Variants in CCDC187 observed in about 807,000 individuals in gnomAD.
CCDC187 encodes coiled-coil domain-containing protein 187.
Under a neutral mutation model 38.0 loss-of-function variants are expected in CCDC187, and 32 were observed. That is an observed-to-expected ratio of 0.84 (90% CI 0.64 to 1.13). The LOEUF is 1.13. Ranked by LOEUF, CCDC187 falls within the 50% of genes most tolerant of loss-of-function variation. The pLI is 0.00. For missense variants in CCDC187, 707 were observed against 786.8 expected, an observed-to-expected ratio of 0.90 and a Z score of 1.21; for synonymous variants, 333 against 347.9, an observed-to-expected ratio of 0.96 and a Z score of 0.48.
chr9:136,267,431 G>T lies in CCDC187; in HGVS notation c.3600C>A (p.Leu1200=), dbSNP rs544839740. 11 of 985,524 alleles carry T rather than the reference G, an allele frequency of 1.1e-5. No individual in the cohort carries two copies. In the East Asian group the frequency reaches 4.5e-4, roughly 41 times the overall value. 61.0% of individuals were successfully genotyped at this position (985,524 alleles called of 1,614,324 possible). A position where few individuals can be genotyped will look rare whatever the true frequency, so the allele number is the denominator to read the frequency against. The change falls in exon 16 of 26, where the codon CTC becomes CTA. Residue 1200 remains leucine, a synonymous_variant. Transcript: ENST00000638797. ...CCAGCTCCGCGAGCGTTTTCTCCTGGAGCGCCATCTCTCGCAGGCGCAGCA... is the reference window on the plus strand; with the variant it reads ...CCAGCTCCGCGAGCGTTTTCTCCTGTAGCGCCATCTCTCGCAGGCGCAGCA... ...AALLRLREMA[L]QEKTLAELAW... is the part of the protein sequence containing the mutation.
chr9:136,258,950 C>T lies in CCDC187; in HGVS notation c.4348G>A (p.Val1450Met). ...LPTAQCRSRE[V>M]KEPPPGDPQT... ...TGCTTACCTGGGGGTGGCTCCTTCA[C>T]CTCCCGAGACCTGCACTGAGCTGTG... The change falls in exon 22 of 26, where the codon GTG becomes ATG. Residue 1450 changes from valine to methionine, a missense_variant. Physicochemically the swap from Val to Met is conservative, Grantham distance 21. Coordinates refer to ENST00000638797, the MANE Select transcript of CCDC187 (RefSeq NM_001378188.1). This position sits in a 1 kb window ranked among gnomAD's most constrained non-coding sequence, Gnocchi z 4.3. 5 of 985,384 alleles carry T rather than the reference C, an allele frequency of 5.1e-6. No homozygotes were observed. Among genetic ancestry groups the T allele is most frequent in the Non-Finnish European group, 4.8e-6 (4 of 830,034 alleles). 61.0% of individuals were successfully genotyped at this position (985,384 alleles called of 1,614,324 possible).
At chr9:136,293,559 A>G (rs1831436259) in intron 4 of CCDC187, among the ~76,000 whole-genome samples, 1 of 151,566 alleles carries the variant, frequency 6.6e-6, no homozygotes, top group South Asian at 2.1e-4. Flanking sequence ...ATGCTCACAC[A>G]CTGTCACACA....
chr9:136,268,307 G>T (rs1229331035), intron 14 of CCDC187, among the ~76,000 whole-genome samples, 182 bp from the exon 15 acceptor site: 2 of 152,224 alleles, frequency 1.3e-5, no homozygotes, highest in African/African-American at 4.8e-5. Context: ...GGGACAGGCA[G>T]TCTCTTGATG....
chr9:136,271,377 C>T lies in CCDC187; in HGVS notation c.3443-3252G>A, dbSNP rs561133100. Reference sequence around the variant, plus strand: ...TCTCTACAAAAATACAAAAATTAGCCGGGTGTGGTGGTGGGTGCCTGTAAT... The same window carrying T: ...TCTCTACAAAAATACAAAAATTAGCTGGGTGTGGTGGTGGGTGCCTGTAAT... On this transcript the variant is annotated intron_variant, in intron 14 of 25. Coordinates refer to ENST00000638797, the MANE Select transcript of CCDC187 (RefSeq NM_001378188.1). Among the ~76,000 whole-genome samples, 30 of 151,782 alleles carry T rather than the reference C, an allele frequency of 2.0e-4. No homozygotes were observed. The South Asian group carries it at 5.4e-3, about 27-fold the overall frequency.
At chr9:136,295,379 C>A (rs989209193) in intron 4 of CCDC187, among the ~76,000 whole-genome samples, 12 of 152,306 alleles carry the variant, frequency 7.9e-5, no homozygotes, top group Admixed American at 1.3e-4. Context: ...CACATTTTTT[C>A]TTCCGCTGAG....
intron 4 of CCDC187, among the ~76,000 whole-genome samples, chr9:136,293,453 T>TCACATGCTCA (rs1831424104): frequency 9.7e-6 from 1 of 102,944 alleles, no homozygotes; most frequent in Non-Finnish European, 2.0e-5. Flanking sequence ...TCACACATGC[T>TCACATGCTCA]CACACTCACA....
Position 136,255,040 on chromosome 9 carries a change from C to T in CCDC187, c.4788G>A (p.Glu1596=), listed in dbSNP as rs1830595516. The part of the protein sequence containing the change: ...PTTSSCGPGS[E]SASGTCWGPS... ...GCCCCCAGCAGGTTCCAGAAGCAGA[C>T]TCAGAGCCTGGACCGCAGGAGGAGG... The change falls in exon 26 of 26, where the codon GAG becomes GAA. Residue 1596 remains glutamate, a synonymous_variant. Coordinates refer to ENST00000638797, the MANE Select transcript of CCDC187 (RefSeq NM_001378188.1). 3.0e-6 allele frequency: 3 copies of T among 985,482 alleles called. No individual in the cohort carries two copies. Among genetic ancestry groups the T allele is most frequent in the South Asian group, 4.7e-5 (1 of 21,292 alleles). 61.0% of individuals were successfully genotyped at this position (985,482 alleles called of 1,614,324 possible). A position where few individuals can be genotyped will look rare whatever the true frequency, so the allele number is the denominator to read the frequency against.
chr9:136,286,129 T>C lies in CCDC187; in HGVS notation c.2789A>G (p.Gln930Arg). ...GTGGGCCCTCGGGCTCACACTCTGC[T>C]GTTGCTCCCAGCTGGGGCCCCACGA... ...TLSWGPSWEQ[Q>R]QSVSPRAHCE... is the part of the protein sequence containing the mutation. Residue 930 changes from glutamine (Q) to arginine (R), a missense_variant, in exon 8 of 26, where the codon CAG becomes CGG. Transcript: ENST00000638797. 2.5e-6 allele frequency: 1 copy of C among 398,570 alleles called. No individual in the cohort carries two copies. The highest frequency in any genetic ancestry group is 4.4e-6 in the Non-Finnish European group (1 of 226,002). The allele number at this position is 398,570 out of a possible 1,614,324, so 24.7% of individuals were successfully genotyped here. A position where few individuals can be genotyped will look rare whatever the true frequency, so the allele number is the denominator to read the frequency against.
In CCDC187 at chr9:136,267,494, C is replaced by G. The variant is rs1830767933; in HGVS notation, c.3537G>C (p.Leu1179=). ...GCTGTGCTCGCAGCTCCTCCTCCCG[C>G]AGGCTCCGCTCCAGCATCTGCAGCT... ...NPTHQMLERS[L]REEELRAQHQ... The change falls in exon 16 of 26, where the codon CTG becomes CTC. Residue 1179 remains leucine, a synonymous_variant. Coordinates refer to ENST00000638797, the MANE Select transcript of CCDC187 (RefSeq NM_001378188.1). The G allele has an allele frequency of 2.0e-6, 2 of 985,722 alleles. No individual in the cohort carries two copies. Among genetic ancestry groups the G allele is most frequent in the Non-Finnish European group, 2.4e-6 (2 of 830,120 alleles). 61.1% of individuals were successfully genotyped at this position (985,722 alleles called of 1,614,324 possible).
At chr9:136,267,992 C>T (rs901074182) in intron 15 of CCDC187, 57 bp downstream of exon 15, 1 of 984,810 alleles carries the variant, frequency 1.0e-6, no homozygotes, top group Admixed American at 6.1e-5. Context: ...GGCCCACTAC[C>T]AGGGCCGTGC....
chr9:136,264,182 G>A lies in CCDC187; in HGVS notation c.3736-384C>T, dbSNP rs1456437567. The A allele has an allele frequency of 6.6e-6, 1 of 152,392 alleles. No individual in the cohort carries two copies. The highest frequency in any genetic ancestry group is 2.4e-5 in the African/African-American group (1 of 41,450). The allele number at this position is 152,392 out of a possible 1,614,324, so 9.4% of individuals were successfully genotyped here. On this transcript the variant is annotated intron_variant, in intron 17 of 25. Transcript: ENST00000638797. This position sits in a 1 kb window ranked among gnomAD's most constrained non-coding sequence, Gnocchi z 4.3. ...AGCGTCCCTGGTGGACGCACCCTCGGAACAACCTTGCACAGAGCCCAGGGC... is the reference window on the plus strand; with the variant it reads ...AGCGTCCCTGGTGGACGCACCCTCGAAACAACCTTGCACAGAGCCCAGGGC...
chr9:136,286,846 A>T (rs1831194306), intron 7 of CCDC187, among the ~76,000 whole-genome samples, 151 bp from the exon 8 acceptor site: 1 of 152,240 alleles, frequency 6.6e-6, no homozygotes, highest in Admixed American at 6.5e-5. Context: ...CGGTGACGGT[A>T]TCCACACAAC....
intron 10 of CCDC187, among the ~76,000 whole-genome samples, chr9:136,278,233 C>T (rs1405091907): frequency 6.6e-6 from 1 of 152,232 alleles, no homozygotes; most frequent in African/African-American, 2.4e-5. Flanking sequence ...TCCCCAGCCC[C>T]ACCAAATGCC....
chr9:136,253,590 C>G lies in CCDC187; in HGVS notation c.*4G>C. On this transcript the variant is annotated 3_prime_UTR_variant, in exon 26 of 26. Coordinates refer to ENST00000638797, the MANE Select transcript of CCDC187 (RefSeq NM_001378188.1). ...GGACCAGCCACCCCTGGGCAGAGCC[C>G]CAACTACTGGGTTCCCGCCGACCCC... 1.0e-6 allele frequency: 1 copy of G among 985,602 alleles called. No individual in the cohort carries two copies. The highest frequency in any genetic ancestry group is 1.2e-6 in the Non-Finnish European group (1 of 830,030). 61.1% of individuals were successfully genotyped at this position (985,602 alleles called of 1,614,324 possible).
At chr9:136,294,847 A>G (rs2131336652) in intron 4 of CCDC187, among the ~76,000 whole-genome samples, 1 of 152,192 alleles carries the variant, frequency 6.6e-6, no homozygotes, top group South Asian at 2.1e-4. Flanking sequence ...AAGGCCATAC[A>G]CTGTCTAGGA....
intron 12 of CCDC187, 87 bp from the exon 13 acceptor site, chr9:136,275,094 C>T (rs1830907149): frequency 6.6e-6 from 1 of 152,320 alleles, no homozygotes; most frequent in African/African-American, 2.4e-5. Flanking sequence ...AGGCCAAGCC[C>T]AGTCCCAAGG....
At chr9:136,296,155 C>T (rs1831530302) in intron 4 of CCDC187, 1 of 152,346 alleles carries the variant, frequency 6.6e-6, no homozygotes, top group Admixed American at 6.5e-5. Context: ...GGACAGAACG[C>T]ACGCCACGCA....
intron 18 of CCDC187, among the ~76,000 whole-genome samples, 194 bp downstream of exon 18, chr9:136,263,428 G>C (rs1830703800): frequency 6.6e-6 from 1 of 152,086 alleles, no homozygotes; most frequent in African/African-American, 2.4e-5. Context: ...TAGAGACGGG[G>C]TTTCACTGTG....
chr9:136,281,712 C>G (rs1477479007), intron 9 of CCDC187, 49 bp from the exon 10 acceptor site: 1 of 398,700 alleles, frequency 2.5e-6, no homozygotes. Context: ...GTGGAGGAGA[C>G]AGGAGGCAGG....
Sources: gnomAD v4.1 joint callset for allele counts (sites outside exome capture counted in the v4.1 genomes callset) on GRCh38, gnomAD v4.1.1 for gene constraint, Gnocchi (gnomAD v3.1) non-coding constraint, MANE v1.5 for transcripts, NCBI Gene and HGNC (gene_info 2026-07-23, HGNC 2026-07-21) for gene names.